Variants in RIC8B observed in about 807,000 individuals in gnomAD.
RIC8B encodes chaperone Ric-8B.
A neutral mutation model predicts 57.5 loss-of-function variants in RIC8B; 16 were observed. The observed-to-expected ratio is 0.28, with a 90% CI of 0.19 to 0.42. The LOEUF is 0.42. Ranked by LOEUF, RIC8B falls within the 10% of genes least tolerant of loss-of-function variation. RIC8B has a pLI of 1.00. For synonymous variants in RIC8B, 216 were observed against 250.8 expected (o/e 0.86, Z 1.31); for missense variants, 481 against 677.0 (o/e 0.71, Z 3.21).
chr12:106,806,929 T>G (rs1374369157), intron 2 of RIC8B, among the ~76,000 whole-genome samples: 2 of 152,200 alleles, frequency 1.3e-5, no homozygotes, highest in East Asian at 3.8e-4. Context: ...AGCTTCCTAT[T>G]TGACATCTCT....
chr12:106,774,857 G>T lies in RIC8B; in HGVS notation c.84+28G>T, dbSNP rs758568754. On this transcript the variant is annotated intron_variant, in intron 1 of 9. Transcript: ENST00000392837. The stretch of plus-strand genomic sequence containing the variant: ...AAAGAGTCCTGGCCCCGGGCGTGCG[G>T]TATCGCACCCCCGGGCCGCCCTCCG... 25 of 1,513,256 alleles carry T rather than the reference G, an allele frequency of 1.7e-5. No individual in the cohort carries two copies. The African/African-American group carries it at 3.1e-4, about 19-fold the overall frequency. The allele number at this position is 1,513,256 out of a possible 1,614,324, so 93.7% of individuals were successfully genotyped here.
intron 1 of RIC8B, among the ~76,000 whole-genome samples, chr12:106,782,907 A>G (rs920849175): frequency 2.6e-5 from 4 of 152,146 alleles, no homozygotes; most frequent in Admixed American, 1.3e-4. Context: ...AAGTGGAGAG[A>G]TTTTTGGTGG....
chr12:106,876,057 A>G (rs1006126408), intron 9 of RIC8B, among the ~76,000 whole-genome samples: 9 of 152,188 alleles, frequency 5.9e-5, no homozygotes, highest in Admixed American at 1.3e-4. Flanking sequence ...GGTACATTTC[A>G]TAAACATGAT....
chr12:106,861,343 AACAT>A (rs1218940662), intron 8 of RIC8B, among the ~76,000 whole-genome samples: 9 of 152,058 alleles, frequency 5.9e-5, no homozygotes, highest in African/African-American at 2.2e-4. Flanking sequence ...ACTTTTAAAA[AACAT>A]ACATTGTGCC....
intron 9 of RIC8B, among the ~76,000 whole-genome samples, chr12:106,877,319 T>G (rs1950710019): frequency 6.6e-6 from 1 of 152,152 alleles, no homozygotes; most frequent in Non-Finnish European, 1.5e-5. Context: ...CTCCAGATTG[T>G]GTGCTATTGT....
chr12:106,884,140 C>CCAGG (rs1951075816), intron 9 of RIC8B, among the ~76,000 whole-genome samples: 3 of 152,232 alleles, frequency 2.0e-5, no homozygotes. Flanking sequence ...AGTGCCCTCC[C>CCAGG]CAGGCAGCCT....
chr12:106,792,012 T>G (rs1290447945), intron 2 of RIC8B, among the ~76,000 whole-genome samples: 5 of 152,214 alleles, frequency 3.3e-5, no homozygotes, highest in Non-Finnish European at 7.3e-5. Flanking sequence ...ACTCAAAATT[T>G]ATTTGGTGTC....
intron 2 of RIC8B, among the ~76,000 whole-genome samples, chr12:106,808,634 G>C (rs1316570338): frequency 6.6e-6 from 1 of 152,146 alleles, no homozygotes; most frequent in South Asian, 2.1e-4. Context: ...TTTTATGCCT[G>C]TCTCACCTTA....
chr12:106,887,069 T>A lies in RIC8B; in HGVS notation c.*1054T>A, dbSNP rs1951213267. 1 of 152,560 alleles carries A rather than the reference T, an allele frequency of 6.6e-6. No individual in the cohort carries two copies. Among genetic ancestry groups the A allele is most frequent in the Non-Finnish European group, 1.5e-5 (1 of 68,008 alleles). 9.5% of individuals were successfully genotyped at this position (152,560 alleles called of 1,614,324 possible). A position where few individuals can be genotyped will look rare whatever the true frequency, so the allele number is the denominator to read the frequency against. The stretch of plus-strand genomic sequence containing the variant: ...CTGATAAAGGGTGTTTATTTTTACT[T>A]TTAGAATTGGTCCTATGAAGAAGTA... On this transcript the variant is annotated 3_prime_UTR_variant, in exon 10 of 10. Transcript: ENST00000392837.
chr12:106,842,619 A>C lies in RIC8B; in HGVS notation c.867A>C (p.Pro289=). ...CAGTCAACCTTTTAAGCAATGTTCCAGTCTCTTGTTTGGATGTTCTCATTT... is the reference window on the plus strand; with the variant it reads ...CAGTCAACCTTTTAAGCAATGTTCCCGTCTCTTGTTTGGATGTTCTCATTT... ...SNAVNLLSNV[P]VSCLDVLICP... Residue 289 remains proline, a synonymous_variant, in exon 5 of 10, where the codon CCA becomes CCC. Transcript: ENST00000392837. 6.2e-7 allele frequency: 1 copy of C among 1,613,366 alleles called. No individual in the cohort carries two copies. The highest frequency in any genetic ancestry group is 8.5e-7 in the Non-Finnish European group (1 of 1,179,536).
chr12:106,820,945 G>T (rs1280120590), intron 3 of RIC8B, among the ~76,000 whole-genome samples: 2 of 152,044 alleles, frequency 1.3e-5, no homozygotes, highest in Non-Finnish European at 2.9e-5. Flanking sequence ...CTCTTCCTTT[G>T]CCCTTCATCC....
Position 106,886,043 on chromosome 12 carries a change from T to G in RIC8B, c.*28T>G. The G allele has an allele frequency of 6.9e-7, 1 of 1,442,460 alleles. No individual in the cohort carries two copies. The highest frequency in any genetic ancestry group is 9.8e-7 in the Non-Finnish European group (1 of 1,025,166). 89.4% of individuals were successfully genotyped at this position (1,442,460 alleles called of 1,614,324 possible). A position where few individuals can be genotyped will look rare whatever the true frequency, so the allele number is the denominator to read the frequency against. On this transcript the variant is annotated 3_prime_UTR_variant, in exon 10 of 10. Coordinates refer to ENST00000392837, the MANE Select transcript of RIC8B (RefSeq NM_001330145.2). Reference sequence around the variant, plus strand: ...GCATCACCTGCTCAACTCTCAATATTGCTTTATCAGCATCTTTTCTCTGTA... The same window carrying G: ...GCATCACCTGCTCAACTCTCAATATGGCTTTATCAGCATCTTTTCTCTGTA...
At chr12:106,811,905 C>T (rs2045350691) in intron 2 of RIC8B, among the ~76,000 whole-genome samples, 1 of 152,160 alleles carries the variant, frequency 6.6e-6, no homozygotes, top group South Asian at 2.1e-4. Flanking sequence ...AACATGGAAG[C>T]AGTACACAAA....
intron 3 of RIC8B, among the ~76,000 whole-genome samples, chr12:106,821,137 A>G (rs2045822160): frequency 1.3e-5 from 2 of 152,242 alleles, no homozygotes; most frequent in African/African-American, 4.8e-5. Flanking sequence ...TTTGTGAGAC[A>G]GGAGCATTAA....
At chr12:106,843,050 A>G (rs1474383295) in intron 5 of RIC8B, among the ~76,000 whole-genome samples, 1 of 152,218 alleles carries the variant, frequency 6.6e-6, no homozygotes, top group Non-Finnish European at 1.5e-5. Flanking sequence ...GCAACACCAA[A>G]ATTATGACTA....
chr12:106,874,470 T>C, intron 9 of RIC8B: 1 of 1,549,980 alleles, frequency 6.5e-7, no homozygotes, highest in Non-Finnish European at 8.7e-7. Context: ...CTTCCTTTTT[T>C]CCATCCATAG....
chr12:106,792,919 A>G (rs911760592), intron 2 of RIC8B, among the ~76,000 whole-genome samples: 2 of 152,234 alleles, frequency 1.3e-5, no homozygotes, highest in African/African-American at 4.8e-5. Context: ...GCAGGGAAGA[A>G]TATACGGTTC....
intron 1 of RIC8B, among the ~76,000 whole-genome samples, chr12:106,775,600 G>T (rs189311211): frequency 1.3e-3 from 202 of 152,314 alleles, no homozygotes; most frequent in Non-Finnish European, 1.6e-3. Context: ...CTTGGAGCTG[G>T]TATTCCAGTT....
chr12:106,783,334 G>A (rs1010921310), intron 1 of RIC8B, among the ~76,000 whole-genome samples: 5 of 152,160 alleles, frequency 3.3e-5, no homozygotes, highest in Non-Finnish European at 7.4e-5. Flanking sequence ...CTCAGTTCCA[G>A]AGAGTTTACT....
Sources: allele counts gnomAD v4.1 joint callset (sites outside exome capture counted in the v4.1 genomes callset), GRCh38; gene constraint gnomAD v4.1.1; transcripts MANE v1.5; gene names NCBI Gene and HGNC (gene_info 2026-07-23, HGNC 2026-07-21).